The following SEMA4D variants were observed in gnomAD, a reference collection of about 807,000 sequenced individuals.
The protein encoded by SEMA4D is semaphorin 4D.
Under a neutral mutation model 74.8 loss-of-function variants are expected in SEMA4D, and 22 were observed. The ratio of observed to expected loss-of-function variants is 0.29; its 90% confidence interval spans 0.21 to 0.42. The LOEUF (loss-of-function observed/expected upper bound fraction) is 0.42, where lower values mean the gene tolerates loss of function less well. Among genes scored for constraint, SEMA4D ranks in the 10% least tolerant of loss-of-function variants. The pLI, the probability that SEMA4D is intolerant of heterozygous loss-of-function variation, is 1.00. For synonymous variants in SEMA4D, 445 were observed against 463.7 expected (o/e 0.96, Z 0.52); for missense variants, 937 against 1,118.4 (o/e 0.84, Z 2.31).
At chr9:89,363,681 A>C (rs1437209083) in intron 17 of SEMA4D, 2 of 1,594,418 alleles carry the variant, frequency 1.3e-6, no homozygotes, top group Non-Finnish European at 1.7e-6. Flanking sequence ...TTTCACTGCC[A>C]TTGTAAATAG....
chr9:89,463,294 T>C (rs1857797596), intron 1 of SEMA4D, among the ~76,000 whole-genome samples: 1 of 152,164 alleles, frequency 6.6e-6, no homozygotes, highest in South Asian at 2.1e-4. Flanking sequence ...GCATTTGCAG[T>C]GGGAAAGCCA....
downstream of SEMA4D, chr9:89,377,157 A>C: frequency 7.0e-7 from 1 of 1,437,172 alleles, no homozygotes; most frequent in Non-Finnish European, 9.2e-7. Context: ...GACAGAAAAG[A>C]GCGAGCCCAG....
chr9:89,373,740 G>A (rs1047521362), downstream of SEMA4D, among the ~76,000 whole-genome samples: 2 of 152,218 alleles, frequency 1.3e-5, no homozygotes, highest in Non-Finnish European at 2.9e-5. Flanking sequence ...GGAGGACACA[G>A]GCAGAAGCGG....
intron 1 of SEMA4D, among the ~76,000 whole-genome samples, chr9:89,475,304 C>G (rs1423204975): frequency 6.6e-6 from 1 of 152,228 alleles, no homozygotes; most frequent in Non-Finnish European, 1.5e-5. Flanking sequence ...GCTGGGCCCC[C>G]AGATCCTGAG....
intron 2 of SEMA4D, chr9:89,450,393 A>T: frequency 8.7e-7 from 1 of 1,153,022 alleles, no homozygotes; most frequent in Non-Finnish European, 1.3e-6. Context: ...CATGCCATTT[A>T]CTTCAAGAGC....
At chr9:89,439,140 C>A (rs1851159676) in intron 2 of SEMA4D, among the ~76,000 whole-genome samples, 1 of 151,982 alleles carries the variant, frequency 6.6e-6, no homozygotes, top group South Asian at 2.1e-4. Context: ...CACCACTACG[C>A]CCGGCTAATT....
chr9:89,458,245 G>A (rs969488525), intron 1 of SEMA4D, among the ~76,000 whole-genome samples: 6 of 152,104 alleles, frequency 3.9e-5, no homozygotes, highest in South Asian at 4.1e-4. Context: ...CAGGTTTTTC[G>A]TGCTGTGGAG....
At chr9:89,452,941 G>C (rs567905300) in intron 2 of SEMA4D, among the ~76,000 whole-genome samples, 4 of 152,148 alleles carry the variant, frequency 2.6e-5, no homozygotes, top group Non-Finnish European at 5.9e-5. Flanking sequence ...TGGGATCTTG[G>C]GTGTTTTCCA....
chr9:89,381,339 C>G lies in SEMA4D; in HGVS notation c.1454G>C (p.Arg485Thr). ...TLLLSSKKGN[R>T]FVYAGSNSGV... ...CGAGTTAGAGCCAGCATAGACAAAC[C>G]TGTTGCCCTGCGTGTATGAGACAGA... The change falls in exon 14 of 16, where the codon AGG becomes ACG. Residue 485 changes from arginine to threonine, a missense_variant. Coordinates refer to ENST00000422704, the MANE Select transcript of SEMA4D (RefSeq NM_001371194.2). The surrounding 1 kb of genome is among the most constrained non-coding windows in gnomAD (Gnocchi z 4.6). The G allele has an allele frequency of 6.8e-7, 1 of 1,478,586 alleles. No homozygotes were observed. Among genetic ancestry groups the G allele is most frequent in the Non-Finnish European group, 9.0e-7 (1 of 1,110,522 alleles). 91.6% of individuals were successfully genotyped at this position (1,478,586 alleles called of 1,614,324 possible). A position where few individuals can be genotyped will look rare whatever the true frequency, so the allele number is the denominator to read the frequency against.
chr9:89,458,012 G>A (rs1310398777), intron 1 of SEMA4D, among the ~76,000 whole-genome samples: 2 of 152,208 alleles, frequency 1.3e-5, no homozygotes, highest in East Asian at 1.9e-4. Flanking sequence ...CAGCCTGGTC[G>A]ATAGAGCGAG....
chr9:89,371,383 GTGTC>G (rs1474268266), intron 16 of SEMA4D, among the ~76,000 whole-genome samples: 5 of 128,724 alleles, frequency 3.9e-5, no homozygotes, highest in South Asian at 2.8e-4. Context: ...TGTGGCATGT[GTGTC>G]TGGGGTGTGG....
At position 89,377,271 on chromosome 9, in the gene SEMA4D, C is replaced by A; in HGVS notation, c.*1433G>T. The A allele has an allele frequency of 1.7e-6, 1 of 594,062 alleles. No individual in the cohort carries two copies. Among genetic ancestry groups the A allele is most frequent in the Non-Finnish European group, 2.7e-6 (1 of 375,178 alleles). 36.8% of individuals were successfully genotyped at this position (594,062 alleles called of 1,614,324 possible). ...AGCTTCTCATTTATTTGGGTACTTTCCAAATGTATACAATTCAAAGTAGAA... is the reference window on the plus strand; with the variant it reads ...AGCTTCTCATTTATTTGGGTACTTTACAAATGTATACAATTCAAAGTAGAA... On this transcript the variant is annotated 3_prime_UTR_variant, in exon 16 of 16. Transcript: ENST00000422704.
At chr9:89,452,721 G>A (rs992086583) in intron 2 of SEMA4D, among the ~76,000 whole-genome samples, 1 of 152,224 alleles carries the variant, frequency 6.6e-6, no homozygotes, top group African/African-American at 2.4e-5. Flanking sequence ...CCAAAGTGCT[G>A]GGATTATATG....
Position 89,480,158 on chromosome 9 carries a change from T to C in SEMA4D, c.-310+17761A>G, listed in dbSNP as rs568708984. Among the ~76,000 whole-genome samples the C allele has an allele frequency of 5.3e-5, 8 of 151,756 alleles. No individual in the cohort carries two copies. In the East Asian group the frequency reaches 1.4e-3, roughly 26 times the overall value. On this transcript the variant is annotated intron_variant, in intron 1 of 15. Transcript: ENST00000422704. Reference sequence around the variant, plus strand: ...CCTTGAGCTAAACACAGGGTGCTGATTGGTGTATTTACAATCCCTGAGCTA... The same window carrying C: ...CCTTGAGCTAAACACAGGGTGCTGACTGGTGTATTTACAATCCCTGAGCTA...
chr9:89,426,366 T>G (rs1046222039), intron 2 of SEMA4D, among the ~76,000 whole-genome samples: 3 of 152,316 alleles, frequency 2.0e-5, no homozygotes, highest in Admixed American at 2.0e-4. Context: ...ATTACAAAGT[T>G]AGACCACCAT....
chr9:89,484,820 T>C lies in SEMA4D; in HGVS notation c.-310+13099A>G, dbSNP rs1825034304. Among the ~76,000 whole-genome samples, 1 of 150,076 alleles carries C rather than the reference T, an allele frequency of 6.7e-6. No homozygotes were observed. The highest frequency in any genetic ancestry group is 2.5e-5 in the African/African-American group (1 of 40,660). ...GATGTATTGTGTGGTGGGTGTGTGG[T>C]GTGTGGATGTATTGTGTGGTGTGTG... is the stretch of plus-strand genomic sequence containing the variant. On this transcript the variant is annotated intron_variant, in intron 1 of 15. Transcript: ENST00000422704. The surrounding 1 kb of genome is among the most constrained non-coding windows in gnomAD (Gnocchi z 4.1).
At chr9:89,425,433 G>A (rs1315051071) in intron 2 of SEMA4D, among the ~76,000 whole-genome samples, 1 of 152,252 alleles carries the variant, frequency 6.6e-6, no homozygotes, top group African/African-American at 2.4e-5. Flanking sequence ...GGAAGTGACT[G>A]TTCTACTGGG....
intron 2 of SEMA4D, among the ~76,000 whole-genome samples, chr9:89,413,997 C>A (rs902698760): frequency 1.3e-5 from 2 of 152,184 alleles, no homozygotes; most frequent in Admixed American, 1.3e-4. Context: ...TGACTGCTGG[C>A]AAGTGTCCTG....
chr9:89,441,591 G>A (rs900002615), intron 2 of SEMA4D, among the ~76,000 whole-genome samples: 3 of 152,230 alleles, frequency 2.0e-5, no homozygotes, highest in Admixed American at 6.5e-5. Flanking sequence ...GGAAGTGAGG[G>A]CAGCCTGGAA....
Sources: allele counts gnomAD v4.1 joint callset (sites outside exome capture counted in the v4.1 genomes callset), GRCh38; gene constraint gnomAD v4.1.1; non-coding constraint Gnocchi (gnomAD v3.1); transcripts MANE v1.5; gene names NCBI Gene and HGNC (gene_info 2026-07-23, HGNC 2026-07-21).